MCC: variants seen among roughly 807,000 people sequenced by gnomAD.
MCC encodes the protein MCC regulator of Wnt signaling pathway.
Under a neutral mutation model 116.2 loss-of-function variants are expected in MCC, and 90 were observed. The observed-to-expected ratio is 0.77, with a 90% CI of 0.65 to 0.92. The LOEUF (loss-of-function observed/expected upper bound fraction) is 0.92, where lower values mean the gene tolerates loss of function less well. Ranked by LOEUF, MCC falls within the 40% of genes least tolerant of loss-of-function variation. The pLI is 0.00. For synonymous variants in MCC, 578 were observed against 510.5 expected (o/e 1.13, Z -1.78); for missense variants, 1,516 against 1,312.2 (o/e 1.16, Z -2.40).
chr5:113,116,000 C>T (rs780297643), intron 6 of MCC, among the ~76,000 whole-genome samples: 4 of 152,224 alleles, frequency 2.6e-5, no homozygotes, highest in Non-Finnish European at 4.4e-5. Flanking sequence ...TCTGTCATCA[C>T]TGACCACAGC....
intron 3 of MCC, among the ~76,000 whole-genome samples, chr5:113,310,503 T>A (rs1237863943): frequency 6.6e-6 from 1 of 152,260 alleles, no homozygotes; most frequent in Non-Finnish European, 1.5e-5. Flanking sequence ...AGATAAAGCC[T>A]ATGACATATG....
Position 113,488,311 on chromosome 5 carries a change from C to T in MCC, c.104G>A (p.Gly35Asp). Residue 35 changes from glycine to aspartate, a missense_variant, in exon 1 of 19, where the codon GGC becomes GAC. Gly to Asp is a moderately conservative substitution (Grantham distance 94, BLOSUM62 -1). Transcript: ENST00000408903. ...GAGGCGCCGCATCCTCTCCTCCTCG[C>T]CGGTGCTGGACGTGTCGCTGCTGCT... Reference protein sequence around the residue: ...SSSSSDTSSTGEEERMRRLFQ... With the variant: ...SSSSSDTSSTDEEERMRRLFQ... 1.3e-6 allele frequency: 2 copies of T among 1,589,958 alleles called. No homozygotes were observed. The highest frequency in any genetic ancestry group is 1.7e-6 in the Non-Finnish European group (2 of 1,170,322).
At chr5:113,257,680 C>T (rs1765070980) in intron 3 of MCC, among the ~76,000 whole-genome samples, 1 of 152,064 alleles carries the variant, frequency 6.6e-6, no homozygotes, top group Non-Finnish European at 1.5e-5. Context: ...GTAGCTAGGG[C>T]CGCGAGTGCA....
intron 1 of MCC, among the ~76,000 whole-genome samples, chr5:113,467,430 A>T: frequency 6.6e-6 from 1 of 152,136 alleles, no homozygotes; most frequent in African/African-American, 2.4e-5. Context: ...AGCACCATTT[A>T]TTAAATAGGG....
chr5:113,069,061 T>C (rs1160291620), intron 12 of MCC, among the ~76,000 whole-genome samples: 4 of 152,220 alleles, frequency 2.6e-5, no homozygotes, highest in Non-Finnish European at 4.4e-5. Flanking sequence ...ATTGAAAATA[T>C]TCTGAGTTAA....
intron 1 of MCC, among the ~76,000 whole-genome samples, chr5:113,430,266 G>A (rs1307869831): frequency 1.3e-5 from 2 of 152,228 alleles, no homozygotes; most frequent in Non-Finnish European, 2.9e-5. Context: ...GCTCCACTGA[G>A]CTAGGTCATG....
chr5:113,487,987 AAGG>A (rs1772589253), intron 1 of MCC, among the ~76,000 whole-genome samples: 3 of 152,232 alleles, frequency 2.0e-5, no homozygotes, highest in Admixed American at 2.0e-4. Flanking sequence ...TGCGCATCCT[AAGG>A]AGATGTCTCC....
intron 1 of MCC, among the ~76,000 whole-genome samples, chr5:113,438,659 A>G (rs1170911467): frequency 1.3e-5 from 2 of 152,138 alleles, no homozygotes; most frequent in Admixed American, 6.5e-5. Flanking sequence ...ATATAGATCT[A>G]TTATACCTTA....
chr5:113,070,523 T>A (rs1243588166), intron 12 of MCC, among the ~76,000 whole-genome samples: 2 of 152,182 alleles, frequency 1.3e-5, no homozygotes, highest in Non-Finnish European at 2.9e-5. Context: ...AATATTCATA[T>A]CCTTTGACCT....
At chr5:113,301,071 C>G (rs952967724) in intron 3 of MCC, among the ~76,000 whole-genome samples, 3 of 152,190 alleles carry the variant, frequency 2.0e-5, no homozygotes, top group African/African-American at 7.2e-5. Flanking sequence ...AGATATTGTC[C>G]TGCATGTGCC....
chr5:113,384,953 C>A lies in MCC; in HGVS notation c.415+15G>T. On this transcript the variant is annotated intron_variant, in intron 2 of 18. Coordinates refer to ENST00000408903, the MANE Select transcript of MCC (RefSeq NM_001085377.2). Reference sequence around the variant, plus strand: ...CCAGTGGAGTGCCATAAAACTGCCACCTGGTTATACCTACCCAAACTGTTG... The same window carrying A: ...CCAGTGGAGTGCCATAAAACTGCCAACTGGTTATACCTACCCAAACTGTTG... The A allele has an allele frequency of 6.2e-7, 1 of 1,613,470 alleles. No individual in the cohort carries two copies. The highest frequency in any genetic ancestry group is 1.1e-5 in the South Asian group (1 of 91,052).
intron 3 of MCC, among the ~76,000 whole-genome samples, chr5:113,192,730 G>A (rs544841313): frequency 3.2e-4 from 49 of 152,282 alleles, no homozygotes; most frequent in Non-Finnish European, 6.3e-4. Flanking sequence ...GGAAGAACCT[G>A]CTAAGCCTCC....
In MCC at chr5:113,427,759, A is replaced by G. The variant is rs531406964; in HGVS notation, c.171-42547T>C. Among the ~76,000 whole-genome samples, 136 of 152,362 alleles carry G rather than the reference A, an allele frequency of 8.9e-4. 3 individuals are homozygous for G. The South Asian group carries it at 0.028, about 31-fold the overall frequency. On this transcript the variant is annotated intron_variant, in intron 1 of 18. Coordinates refer to ENST00000408903, the MANE Select transcript of MCC (RefSeq NM_001085377.2). ...TAAATTTAAGAATTTAGTACTCAGT[A>G]AAATTCTCTGCAGGAATATTGTTAT...
chr5:113,327,586 A>ATATATATATATATATATATATAT (rs1561525256), intron 3 of MCC, among the ~76,000 whole-genome samples: 3 of 113,046 alleles, frequency 2.7e-5, no homozygotes, highest in Admixed American at 1.1e-4. Flanking sequence ...ATATATATAT[A>ATATATATATATATATATATATAT]AAAATCTCAT....
chr5:113,276,696 G>A (rs572600629), intron 3 of MCC, among the ~76,000 whole-genome samples: 2 of 152,126 alleles, frequency 1.3e-5, no homozygotes, highest in South Asian at 2.1e-4. Context: ...GTACAATCTC[G>A]GCTCACTGGG....
At chr5:113,194,095 A>C (rs923370490) in intron 3 of MCC, among the ~76,000 whole-genome samples, 1 of 152,114 alleles carries the variant, frequency 6.6e-6, no homozygotes, top group Non-Finnish European at 1.5e-5. Context: ...GAGGACTCCT[A>C]TAGATCTAAG....
At chr5:113,402,289 G>A (rs1426192828) in intron 1 of MCC, among the ~76,000 whole-genome samples, 8 of 86,790 alleles carry the variant, frequency 9.2e-5, no homozygotes, top group Admixed American at 1.3e-4. Flanking sequence ...GCCAGACTCC[G>A]TCTCAAAAAA....
chr5:113,356,757 C>T (rs1207525870), intron 2 of MCC, among the ~76,000 whole-genome samples: 1 of 152,204 alleles, frequency 6.6e-6, no homozygotes. Context: ...GCCAAGACTC[C>T]TGTGAGAATG....
At chr5:113,260,302 G>A (rs1280177976) in intron 3 of MCC, among the ~76,000 whole-genome samples, 1 of 151,992 alleles carries the variant, frequency 6.6e-6, no homozygotes, top group Admixed American at 6.6e-5. Context: ...TACTTTTTAT[G>A]TATTTTTCCA....
Sources: gnomAD v4.1 joint callset for allele counts (sites outside exome capture counted in the v4.1 genomes callset) on GRCh38, gnomAD v4.1.1 for gene constraint, MANE v1.5 for transcripts, NCBI Gene and HGNC (gene_info 2026-07-23, HGNC 2026-07-21) for gene names.